Variants in FANCD2 observed in about 807,000 individuals in gnomAD.
The protein encoded by FANCD2 is FA complementation group D2.
FANCD2 carries 131 observed loss-of-function variants against 192.3 expected under a neutral mutation model. That is an observed-to-expected ratio of 0.68 (90% confidence interval 0.59 to 0.79). The LOEUF is 0.79. Ranked by LOEUF, FANCD2 falls within the 30% of genes least tolerant of loss-of-function variation. The pLI is 0.00. For missense variants in FANCD2, 1,508 were observed against 1,701.6 expected (o/e 0.89, Z 2.00); for synonymous variants, 524 against 612.5 (o/e 0.86, Z 2.13).
At chr3:10,067,488 T>C (rs2087753618) in intron 26 of FANCD2, among the ~76,000 whole-genome samples, 171 bp downstream of exon 26, 1 of 152,104 alleles carries the variant, frequency 6.6e-6, no homozygotes, top group Non-Finnish European at 1.5e-5. Context: ...CTAGCAAACC[T>C]AATTCAGCAA....
chr3:10,063,478 A>G (rs555841463), intron 20 of FANCD2, among the ~76,000 whole-genome samples: 2 of 152,054 alleles, frequency 1.3e-5, no homozygotes, highest in Non-Finnish European at 2.9e-5. Context: ...GAAAACAGAG[A>G]GCCTTGCATG....
At chr3:10,076,720 TTTTA>T (rs1693563445) in intron 29 of FANCD2, among the ~76,000 whole-genome samples, 1 of 152,068 alleles carries the variant, frequency 6.6e-6, no homozygotes, top group South Asian at 2.1e-4. Context: ...CGGCTAGTTT[TTTTA>T]TTTGTTTGTT....
intron 32 of FANCD2, chr3:10,083,740 T>A (rs1693990360): frequency 6.6e-6 from 1 of 151,450 alleles, no homozygotes; most frequent in South Asian, 2.1e-4. Context: ...TACAAAAAAT[T>A]AGCCGAGCGT....
intron 18 of FANCD2, among the ~76,000 whole-genome samples, chr3:10,054,834 T>G (rs2087361718): frequency 6.6e-6 from 1 of 151,402 alleles, no homozygotes; most frequent in Admixed American, 6.6e-5. Flanking sequence ...GGATCCCCAG[T>G]CAGCACATTT....
chr3:10,072,769 A>G, intron 26 of FANCD2, 102 bp from the exon 27 acceptor site: 1 of 746,846 alleles, frequency 1.3e-6, no homozygotes, highest in Non-Finnish European at 2.5e-6. Context: ...CATGCTTGGT[A>G]ATTTTGGAAA....
chr3:10,070,872 G>A (rs1693199695), intron 26 of FANCD2, among the ~76,000 whole-genome samples: 1 of 146,378 alleles, frequency 6.8e-6, no homozygotes, highest in Admixed American at 6.8e-5. Context: ...GTCCACTCAG[G>A]GTTAAATGGA....
At chr3:10,066,452 T>G (rs1335246773) in intron 25 of FANCD2, among the ~76,000 whole-genome samples, 1 of 152,244 alleles carries the variant, frequency 6.6e-6, no homozygotes, top group Non-Finnish European at 1.5e-5. Context: ...ACATCTCTAT[T>G]ATGATACGGG....
In FANCD2 at chr3:10,060,349, A is replaced by T. The variant is rs763164400; in HGVS notation, c.1712A>T (p.Lys571Met). 1.9e-6 allele frequency: 3 copies of T among 1,613,664 alleles called. No individual in the cohort carries two copies. Among genetic ancestry groups the T allele is most frequent in the Middle Eastern group, 3.5e-4 (2 of 5,714 alleles). ...CTCTCTAGCACCGTATTCAAGTACA[A>T]GCTCATTGGGATTATTGGTGCTGTG... is the stretch of plus-strand genomic sequence containing the variant. ...KQLSSTVFKY[K>M]LIGIIGAVTM... The change falls in exon 19 of 44, where the codon AAG becomes ATG. Residue 571 changes from lysine (K) to methionine (M), a missense_variant. Coordinates refer to ENST00000675286, the MANE Select transcript of FANCD2 (RefSeq NM_001018115.3).
At chr3:10,076,748 C>T (rs971274792) in intron 29 of FANCD2, among the ~76,000 whole-genome samples, 1 of 152,120 alleles carries the variant, frequency 6.6e-6, no homozygotes, top group African/African-American at 2.4e-5. Context: ...TTGTTGGAGA[C>T]GGAGTCTTGC....
At chr3:10,099,286 T>C (rs1695162655) in intron 43 of FANCD2, 1 of 1,265,376 alleles carries the variant, frequency 7.9e-7, no homozygotes. Flanking sequence ...CTTACGCTTT[T>C]TTGTGGTACA....
chr3:10,039,214 T>C, intron 7 of FANCD2, 65 bp from the exon 8 acceptor site: 1 of 1,201,036 alleles, frequency 8.3e-7, no homozygotes, highest in Non-Finnish European at 1.2e-6. Context: ...TTGTGCAGTA[T>C]TAATGCTTGC....
intron 15 of FANCD2, 50 bp downstream of exon 15, chr3:10,046,773 G>A: frequency 1.4e-6 from 2 of 1,404,930 alleles, no homozygotes; most frequent in Non-Finnish European, 1.0e-6. Context: ...AAGCTTTACA[G>A]CTCTCATGTA....
chr3:10,032,984 A>G lies in FANCD2; in HGVS notation c.205+12A>G. The G allele has an allele frequency of 6.5e-7, 1 of 1,539,736 alleles. No individual in the cohort carries two copies. The highest frequency in any genetic ancestry group is 9.0e-7 in the Non-Finnish European group (1 of 1,113,192). On this transcript the variant is annotated intron_variant, in intron 3 of 43. Coordinates refer to ENST00000675286, the MANE Select transcript of FANCD2 (RefSeq NM_001018115.3). Reference sequence around the variant, plus strand: ...TCAGAATCAACTAGGTAATATTTTAATCTAATTTTATTCTCTGGGTTTAAT... The same window carrying G: ...TCAGAATCAACTAGGTAATATTTTAGTCTAATTTTATTCTCTGGGTTTAAT...
intron 43 of FANCD2, chr3:10,099,309 A>G: frequency 8.2e-7 from 1 of 1,221,782 alleles, no homozygotes; most frequent in Non-Finnish European, 1.0e-6. Flanking sequence ...TGCTTTCGAC[A>G]ATTTAAAGAA....
intron 7 of FANCD2, chr3:10,037,439 A>C (rs1448306823): frequency 6.6e-6 from 1 of 152,222 alleles, no homozygotes; most frequent in Non-Finnish European, 1.5e-5. Flanking sequence ...GAAGAGCAAT[A>C]GATTGTATGT....
chr3:10,095,111 C>G, intron 40 of FANCD2, 89 bp from the exon 41 acceptor site: 2 of 1,131,276 alleles, frequency 1.8e-6, no homozygotes, highest in East Asian at 4.9e-5. Context: ...AGAGTTTATC[C>G]TCTTTGGAGC....
chr3:10,077,212 A>C (rs1479698763), intron 29 of FANCD2, among the ~76,000 whole-genome samples: 1 of 152,152 alleles, frequency 6.6e-6, no homozygotes, highest in Non-Finnish European at 1.5e-5. Context: ...CAGCCTGAGC[A>C]ACAGAGCGAG....
intron 28 of FANCD2, among the ~76,000 whole-genome samples, chr3:10,073,643 T>G (rs1313830475): frequency 2.6e-5 from 4 of 152,258 alleles, no homozygotes; most frequent in Non-Finnish European, 5.9e-5. Context: ...CTTGAGGTAC[T>G]TGATTATCAG....
At chr3:10,043,951 T>C in intron 14 of FANCD2, 87 bp downstream of exon 14, 1 of 1,126,076 alleles carries the variant, frequency 8.9e-7, no homozygotes, top group Non-Finnish European at 1.3e-6. Context: ...TCTTTCTTTC[T>C]CCCCCCTCCA....
Sources: gnomAD v4.1 joint callset for allele counts (sites outside exome capture counted in the v4.1 genomes callset) on GRCh38, gnomAD v4.1.1 for gene constraint, MANE v1.5 for transcripts, NCBI Gene and HGNC (gene_info 2026-07-23, HGNC 2026-07-21) for gene names.